RAD51: variants seen among roughly 807,000 people sequenced by gnomAD.
RAD51 encodes RAD51 recombinase.
A neutral mutation model predicts 41.5 loss-of-function variants in RAD51; 14 were observed. The observed-to-expected ratio is 0.34, with a 90% CI of 0.22 to 0.53. RAD51 has a LOEUF of 0.53. Ranked by LOEUF, RAD51 falls within the 20% of genes least tolerant of loss-of-function variation. The probability of loss-of-function intolerance (pLI) is 0.95; values close to 1 mark genes in which losing one functional copy is unlikely to be tolerated. For missense variants in RAD51, 234 were observed against 422.0 expected (o/e 0.55, Z 3.90); for synonymous variants, 136 against 148.6 (o/e 0.92, Z 0.62).
At position 40,728,412 on chromosome 15, in the gene RAD51, G is replaced by A. The variant is rs7182499; in HGVS notation, c.531-299G>A. Among the ~76,000 whole-genome samples the A allele has an allele frequency of 0.65, 98,624 of 151,494 alleles. 32,770 individuals carry two copies. Among genetic ancestry groups the A allele is most frequent in the East Asian group, 0.93 (4,756 of 5,138 alleles). On this transcript the variant is annotated intron_variant, in intron 6 of 9. Coordinates refer to ENST00000267868, the MANE Select transcript of RAD51 (RefSeq NM_002875.5). ...GTGGAGGTTGCAATGAGATCACGCC[G>A]CTGCACTCCAGCCTGGGTGACAGAG... is the stretch of plus-strand genomic sequence containing the variant.
In RAD51 at chr15:40,698,796, C is replaced by T; in HGVS notation, c.38C>T (p.Thr13Ile). 6.2e-7 allele frequency: 1 copy of T among 1,614,170 alleles called. No homozygotes were observed. Among genetic ancestry groups the T allele is most frequent in the Non-Finnish European group, 8.5e-7 (1 of 1,180,028 alleles). Residue 13 changes from threonine to isoleucine, a missense_variant, in exon 2 of 10, where the codon ACT becomes ATT. Transcript: ENST00000267868. ...MQMQLEANAD[T>I]SVEEESFGPQ... The stretch of plus-strand genomic sequence containing the variant: ...ATGCAGCTTGAAGCAAATGCAGATA[C>T]TTCAGTGGAAGAAGAAAGCTTTGGC...
At chr15:40,726,781 C>T (rs1370202852) in intron 6 of RAD51, among the ~76,000 whole-genome samples, 4 of 151,804 alleles carry the variant, frequency 2.6e-5, no homozygotes, top group Admixed American at 6.6e-5. Context: ...GGCGTGGTAG[C>T]GGGTGCCTGT....
intron 3 of RAD51, among the ~76,000 whole-genome samples, chr15:40,702,957 G>C (rs550660054): frequency 4.5e-4 from 69 of 152,156 alleles, no homozygotes; most frequent in Non-Finnish European, 8.7e-4. Context: ...TGAGTAGCTG[G>C]GACTATAGGC....
chr15:40,703,270 G>A (rs1895116718), intron 3 of RAD51, among the ~76,000 whole-genome samples: 1 of 152,002 alleles, frequency 6.6e-6, no homozygotes, highest in Admixed American at 6.6e-5. Flanking sequence ...ATGACAGTGA[G>A]TATATGAATT....
intron 2 of RAD51, 141 bp from the exon 3 acceptor site, chr15:40,700,923 C>A: frequency 6.5e-5 from 39 of 599,526 alleles, no homozygotes; most frequent in Middle Eastern, 5.4e-4. Context: ...CTTCCCATCT[C>A]CCCCCGCCCC....
chr15:40,719,564 G>A (rs916118788), intron 6 of RAD51, among the ~76,000 whole-genome samples: 21 of 152,292 alleles, frequency 1.4e-4, no homozygotes, highest in African/African-American at 4.8e-4. Flanking sequence ...TGGGCGCTGT[G>A]GCTCACGCCT....
intron 6 of RAD51, among the ~76,000 whole-genome samples, chr15:40,725,671 A>C (rs1233666232): frequency 6.6e-6 from 1 of 152,102 alleles, no homozygotes; most frequent in Non-Finnish European, 1.5e-5. Flanking sequence ...ACAATCAGAT[A>C]CTCGGGCTAG....
intron 5 of RAD51, 126 bp downstream of exon 5, chr15:40,709,242 T>C: frequency 2.5e-6 from 2 of 796,844 alleles, no homozygotes; most frequent in East Asian, 2.6e-5. Context: ...TAGCTGTTAA[T>C]AGTTAGAAGA....
rs989282519 is a variant in RAD51, at chr15:40,712,390, T to G, written c.435+3274T>G. Among the ~76,000 whole-genome samples, 4 of 152,116 alleles carry G rather than the reference T, an allele frequency of 2.6e-5. No homozygotes were observed. In the South Asian group the frequency reaches 8.3e-4, roughly 31 times the overall value. On this transcript the variant is annotated intron_variant, in intron 5 of 9. Transcript: ENST00000267868. The stretch of plus-strand genomic sequence containing the variant: ...CCCCGAGTGAAAATTTCTAGCTGTA[T>G]TGAGAGATGTGGAACTAAGTCACAC...
intron 5 of RAD51, among the ~76,000 whole-genome samples, chr15:40,715,701 T>C (rs1308400936): frequency 7.9e-5 from 12 of 152,308 alleles, no homozygotes; most frequent in Non-Finnish European, 2.9e-5. Context: ...TGGGAGCTTG[T>C]CCACTATCCT....
At chr15:40,714,266 C>T (rs1895875510) in intron 5 of RAD51, among the ~76,000 whole-genome samples, 1 of 152,144 alleles carries the variant, frequency 6.6e-6, no homozygotes, top group Admixed American at 6.6e-5. Flanking sequence ...GCGTGAGCTC[C>T]ATTAGAAATT....
chr15:40,730,670 C>T (rs533332770), intron 9 of RAD51, among the ~76,000 whole-genome samples: 5 of 151,220 alleles, frequency 3.3e-5, no homozygotes, highest in Admixed American at 2.0e-4. Context: ...TACAGGCACC[C>T]GCCACCACAC....
At chr15:40,708,014 C>CTTTT (rs35792895) in intron 4 of RAD51, among the ~76,000 whole-genome samples, 8 of 115,890 alleles carry the variant, frequency 6.9e-5, no homozygotes, top group Admixed American at 9.4e-5. Context: ...CTGTGCCCAG[C>CTTTT]TTTTTTTTTT....
At chr15:40,714,119 G>C (rs1895868052) in intron 5 of RAD51, among the ~76,000 whole-genome samples, 1 of 150,382 alleles carries the variant, frequency 6.6e-6, no homozygotes, top group African/African-American at 2.4e-5. Context: ...GAATGCCTCT[G>C]CACCCAGATC....
rs1186747602 is a variant in RAD51 at position 40,713,128 on chromosome 15, C to T, written c.435+4012C>T. On this transcript the variant is annotated intron_variant, in intron 5 of 9. Transcript: ENST00000267868. ...ACTCCTGACCTCAAGTTAATCTGCCCGCCTTGGCCTCCCAAAGTGCTGGGA... is the reference window on the plus strand; with the variant it reads ...ACTCCTGACCTCAAGTTAATCTGCCTGCCTTGGCCTCCCAAAGTGCTGGGA... Among the ~76,000 whole-genome samples, 5 of 151,756 alleles carry T rather than the reference C, an allele frequency of 3.3e-5. No homozygotes were observed. The East Asian group carries it at 5.8e-4, about 18-fold the overall frequency.
At chr15:40,698,058 C>G (rs995949031) in intron 1 of RAD51, among the ~76,000 whole-genome samples, 1 of 152,090 alleles carries the variant, frequency 6.6e-6, no homozygotes, top group Non-Finnish European at 1.5e-5. Flanking sequence ...GAACTTATTC[C>G]TCCTATCTAA....
intron 6 of RAD51, among the ~76,000 whole-genome samples, chr15:40,721,863 A>G (rs1418828272): frequency 1.3e-5 from 2 of 152,228 alleles, no homozygotes; most frequent in African/African-American, 2.4e-5. Context: ...ACAGGAACTC[A>G]GATACTTGGA....
intron 1 of RAD51, chr15:40,695,942 T>G (rs924373024): frequency 6.6e-6 from 1 of 152,266 alleles, no homozygotes; most frequent in Non-Finnish European, 1.5e-5. Flanking sequence ...TGGCGCGATC[T>G]CGGCTCACTG....
At chr15:40,704,250 G>C (rs1386607465) in intron 3 of RAD51, among the ~76,000 whole-genome samples, 2 of 151,056 alleles carry the variant, frequency 1.3e-5, no homozygotes, top group East Asian at 3.9e-4. Context: ...ATTTTTAGTA[G>C]AGACAGGGTT....
Sources: gnomAD v4.1 joint callset for allele counts (sites outside exome capture counted in the v4.1 genomes callset) on GRCh38, gnomAD v4.1.1 for gene constraint, MANE v1.5 for transcripts, NCBI Gene and HGNC (gene_info 2026-07-23, HGNC 2026-07-21) for gene names.